Variants in EYA2 observed in about 807,000 individuals in gnomAD.
EYA2 encodes the protein protein phosphatase EYA2.
In EYA2, 31 loss-of-function variants were observed where a neutral mutation model predicts 69.2. That is an observed-to-expected ratio of 0.45 (90% confidence interval 0.34 to 0.60). The LOEUF is 0.60. EYA2 is among the 20% of genes least tolerant of loss of function. The pLI is 0.02. For missense variants in EYA2, 622 were observed against 701.2 expected (o/e 0.89, Z 1.28); for synonymous variants, 257 against 279.4 (o/e 0.92, Z 0.80).
At chr20:46,942,088 T>C (rs1195860678) in intron 1 of EYA2, among the ~76,000 whole-genome samples, 1 of 152,242 alleles carries the variant, frequency 6.6e-6, no homozygotes, top group Non-Finnish European at 1.5e-5. Context: ...ACAAAAGTGC[T>C]TGGCAACGAA....
intron 1 of EYA2, among the ~76,000 whole-genome samples, chr20:46,984,050 C>G (rs1043560642): frequency 1.3e-5 from 2 of 152,186 alleles, no homozygotes; most frequent in South Asian, 2.1e-4. Flanking sequence ...GGAAAAATGG[C>G]TTATTTTTGT....
At chr20:47,135,999 A>G (rs1466117002) in intron 9 of EYA2, among the ~76,000 whole-genome samples, 1 of 152,042 alleles carries the variant, frequency 6.6e-6, no homozygotes, top group African/African-American at 2.4e-5. Context: ...CCTGGGTGAC[A>G]TAGGTAGTAG....
At chr20:47,014,660 G>GTGTGTC (rs1983295846) in intron 4 of EYA2, among the ~76,000 whole-genome samples, 1 of 144,092 alleles carries the variant, frequency 6.9e-6, no homozygotes, top group East Asian at 2.3e-4. Context: ...GTGTGTGTGT[G>GTGTGTC]TGTGTGTGTG....
intron 5 of EYA2, among the ~76,000 whole-genome samples, chr20:47,063,680 A>G (rs2030997547): frequency 1.3e-5 from 2 of 152,162 alleles, no homozygotes; most frequent in Admixed American, 6.5e-5. Context: ...ACTTTACTTC[A>G]GCCTCTGGTC....
At position 46,922,103 on chromosome 20, in the gene EYA2, C is replaced by T. The variant is rs1985204791; in HGVS notation, c.-11+27116C>T. ...AAGTTGAGGCTGGAACCTGCGTTTC[C>T]TAACACCTGTTCTAGTGCATTTTCC... is the stretch of plus-strand genomic sequence containing the variant. On this transcript the variant is annotated intron_variant, in intron 1 of 15. Transcript: ENST00000327619. Among the ~76,000 whole-genome samples the T allele has an allele frequency of 1.3e-5, 2 of 152,196 alleles. 1 individual carries two copies. The highest frequency in any genetic ancestry group is 4.8e-5 in the African/African-American group (2 of 41,444).
chr20:46,906,268 G>A (rs369771858), intron 1 of EYA2, among the ~76,000 whole-genome samples: 2 of 152,234 alleles, frequency 1.3e-5, no homozygotes, highest in African/African-American at 4.8e-5. Flanking sequence ...ATCTGATGAT[G>A]TGAAGCTTTC....
intron 9 of EYA2, among the ~76,000 whole-genome samples, chr20:47,106,514 A>G (rs926432002): frequency 6.6e-6 from 1 of 152,078 alleles, no homozygotes; most frequent in Non-Finnish European, 1.5e-5. Context: ...GGAGCTCACA[A>G]AGCACCCAGG....
intron 5 of EYA2, among the ~76,000 whole-genome samples, chr20:47,026,535 G>C (rs538906744): frequency 1.3e-5 from 2 of 152,008 alleles, no homozygotes; most frequent in Admixed American, 6.6e-5. Flanking sequence ...AAAACAAAAT[G>C]ACAAACTGAA....
chr20:47,030,797 GC>G (rs1984366716), intron 5 of EYA2, among the ~76,000 whole-genome samples: 1 of 152,070 alleles, frequency 6.6e-6, no homozygotes, highest in Non-Finnish European at 1.5e-5. Context: ...TTGCTCTATA[GC>G]CCAGACTGTA....
At chr20:46,928,291 G>A (rs566715277) in intron 1 of EYA2, among the ~76,000 whole-genome samples, 1 of 152,322 alleles carries the variant, frequency 6.6e-6, no homozygotes, top group South Asian at 2.1e-4. Context: ...AAAGTCTGCT[G>A]TGAGCATGTG....
chr20:47,186,526 A>T (rs964224816), intron 15 of EYA2, among the ~76,000 whole-genome samples: 4 of 151,588 alleles, frequency 2.6e-5, no homozygotes, highest in African/African-American at 9.7e-5. Context: ...CGCCCAGCTG[A>T]TTCTTGTATT....
At chr20:47,134,327 G>T (rs1321712418) in intron 9 of EYA2, among the ~76,000 whole-genome samples, 1 of 152,176 alleles carries the variant, frequency 6.6e-6, no homozygotes, top group African/African-American at 2.4e-5. Context: ...GGAGTCTGGA[G>T]TCAGATTAGA....
intron 8 of EYA2, among the ~76,000 whole-genome samples, chr20:47,090,898 A>T (rs1382620456): frequency 5.3e-5 from 8 of 152,094 alleles, no homozygotes; most frequent in Admixed American, 5.2e-4. Flanking sequence ...GAAGTAAGCT[A>T]CTGTTGTCTT....
At chr20:46,988,694 G>A (rs1171685198) in intron 1 of EYA2, among the ~76,000 whole-genome samples, 1 of 152,130 alleles carries the variant, frequency 6.6e-6, no homozygotes, top group Admixed American at 6.5e-5. Flanking sequence ...AAACCCAGTG[G>A]GTGGGAATTT....
At chr20:46,995,515 G>A (rs950138320) in intron 2 of EYA2, among the ~76,000 whole-genome samples, 1 of 152,138 alleles carries the variant, frequency 6.6e-6, no homozygotes, top group Non-Finnish European at 1.5e-5. Context: ...GCCTAGTGTG[G>A]TGTCTTTCCA....
chr20:47,186,074 A>G (rs959418992), intron 15 of EYA2, among the ~76,000 whole-genome samples: 1 of 152,112 alleles, frequency 6.6e-6, no homozygotes, highest in Non-Finnish European at 1.5e-5. Flanking sequence ...TTCCTGACCC[A>G]GCTCTCAAAA....
intron 1 of EYA2, among the ~76,000 whole-genome samples, chr20:46,969,781 A>T (rs991182470): frequency 6.6e-6 from 1 of 152,116 alleles, no homozygotes; most frequent in African/African-American, 2.4e-5. Context: ...TTCTGGCTGG[A>T]TGTTAAACCT....
At chr20:47,038,451 A>G (rs1984840437) in intron 5 of EYA2, among the ~76,000 whole-genome samples, 1 of 152,214 alleles carries the variant, frequency 6.6e-6, no homozygotes, top group Admixed American at 6.5e-5. Flanking sequence ...TAATCGCACC[A>G]TGGCACTCCA....
At chr20:47,030,044 T>C (rs1984315631) in intron 5 of EYA2, among the ~76,000 whole-genome samples, 1 of 152,234 alleles carries the variant, frequency 6.6e-6, no homozygotes, top group African/African-American at 2.4e-5. Flanking sequence ...CCATAGTCAA[T>C]ACGACAACGA....
Sources: allele counts gnomAD v4.1 joint callset (sites outside exome capture counted in the v4.1 genomes callset), GRCh38; gene constraint gnomAD v4.1.1; transcripts MANE v1.5; gene names NCBI Gene and HGNC (gene_info 2026-07-23, HGNC 2026-07-21).